HYDIN: variants seen among roughly 807,000 people sequenced by gnomAD.
HYDIN encodes the protein HYDIN axonemal central pair apparatus protein.
A neutral mutation model predicts 403.9 loss-of-function variants in HYDIN; 132 were observed. The ratio of observed to expected loss-of-function variants is 0.33; its 90% confidence interval spans 0.28 to 0.38. The LOEUF is 0.38. Among genes scored for constraint, HYDIN ranks in the 10% least tolerant of loss-of-function variants. The pLI is 1.00. For synonymous variants in HYDIN, 1,202 were observed against 1,891.7 expected (o/e 0.64, Z 9.46); for missense variants, 2,827 against 5,009.5 (o/e 0.56, Z 13.15).
At chr16:71,228,141 A>T (rs1029791553) in intron 1 of HYDIN, among the ~76,000 whole-genome samples, 1 of 152,044 alleles carries the variant, frequency 6.6e-6, no homozygotes, top group African/African-American at 2.4e-5. Flanking sequence ...CCTTCCTTAC[A>T]CCTTATACAA....
chr16:70,925,061 C>T (rs940666998), intron 45 of HYDIN, among the ~76,000 whole-genome samples: 7 of 152,138 alleles, frequency 4.6e-5, no homozygotes, highest in African/African-American at 1.7e-4. Context: ...TGATCTCAGT[C>T]CTGATTGAGT....
intron 1 of HYDIN, among the ~76,000 whole-genome samples, chr16:71,195,015 CACA>C (rs1157589651): frequency 2.0e-5 from 3 of 152,142 alleles, no homozygotes; most frequent in Admixed American, 2.0e-4. Context: ...CTGTCACTTG[CACA>C]ACATCTATTA....
At chr16:70,849,030 A>AG (rs1195024762) in intron 75 of HYDIN, among the ~76,000 whole-genome samples, 9 of 151,990 alleles carry the variant, frequency 5.9e-5, no homozygotes, top group African/African-American at 1.9e-4. Context: ...TATCCCTATG[A>AG]GGGGGGGTTC....
chr16:70,892,623 T>A, intron 55 of HYDIN, 94 bp from the exon 56 acceptor site: 2 of 1,443,052 alleles, frequency 1.4e-6, no homozygotes, highest in Non-Finnish European at 1.8e-6. Flanking sequence ...GCCTGCTGTG[T>A]TTCCAGCCCT....
intron 18 of HYDIN, among the ~76,000 whole-genome samples, chr16:71,050,692 A>C (rs2081606843): frequency 1.3e-5 from 2 of 152,024 alleles, no homozygotes; most frequent in East Asian, 1.9e-4. Context: ...TATGCATTTA[A>C]GTTTCCTCCA....
intron 45 of HYDIN, chr16:70,933,700 A>C (rs1390721439): frequency 6.5e-6 from 1 of 154,844 alleles, no homozygotes; most frequent in African/African-American, 2.4e-5. Flanking sequence ...AGGGAGTGTC[A>C]CATAGCAGGA....
intron 70 of HYDIN, 40 bp from the exon 71 acceptor site, chr16:70,860,246 A>G: frequency 6.3e-7 from 1 of 1,590,798 alleles, no homozygotes; most frequent in Non-Finnish European, 8.5e-7. Context: ...AGAGTGGGAC[A>G]GGGGATTGAG....
At chr16:71,215,104 T>C (rs986670421) in intron 1 of HYDIN, among the ~76,000 whole-genome samples, 13 of 152,188 alleles carry the variant, frequency 8.5e-5, no homozygotes, top group Admixed American at 8.5e-4. Flanking sequence ...TCAAATAACA[T>C]AGAGGCCAAC....
chr16:70,875,375 C>T (rs1391014515), intron 62 of HYDIN, among the ~76,000 whole-genome samples: 1 of 152,074 alleles, frequency 6.6e-6, no homozygotes, highest in African/African-American at 2.4e-5. Context: ...TGTTGAGCAT[C>T]CTACCACGAT....
At chr16:70,893,112 G>C (rs1467643136) in intron 55 of HYDIN, among the ~76,000 whole-genome samples, 1 of 152,176 alleles carries the variant, frequency 6.6e-6, no homozygotes, top group Non-Finnish European at 1.5e-5. Flanking sequence ...GAATGTCACC[G>C]CCATGCTCCA....
intron 18 of HYDIN, among the ~76,000 whole-genome samples, chr16:71,039,107 T>G (rs1456881391): frequency 6.6e-6 from 1 of 151,724 alleles, no homozygotes; most frequent in African/African-American, 2.4e-5. Flanking sequence ...ATCAGAAGTG[T>G]GGGCTTGAGA....
intron 11 of HYDIN, among the ~76,000 whole-genome samples, chr16:71,089,157 A>G (rs1191320818): frequency 6.6e-6 from 1 of 150,882 alleles, no homozygotes; most frequent in Non-Finnish European, 1.5e-5. Context: ...CCTATATTCT[A>G]GTGTTCTGGA....
At chr16:71,227,502 C>G (rs974196446) in intron 1 of HYDIN, among the ~76,000 whole-genome samples, 15 of 152,088 alleles carry the variant, frequency 9.9e-5, no homozygotes, top group African/African-American at 3.6e-4. Flanking sequence ...AAATCACAAG[C>G]ATTCTTATAC....
intron 1 of HYDIN, among the ~76,000 whole-genome samples, chr16:71,193,642 T>C (rs1036214442): frequency 2.6e-5 from 4 of 152,026 alleles, no homozygotes; most frequent in African/African-American, 9.7e-5. Flanking sequence ...TCTAAAAGAG[T>C]TCAAATTTAG....
intron 9 of HYDIN, among the ~76,000 whole-genome samples, chr16:71,129,303 CT>C (rs968264280): frequency 6.7e-6 from 1 of 149,634 alleles, no homozygotes; most frequent in African/African-American, 2.5e-5. Flanking sequence ...CACAAAATTT[CT>C]GTCTTAATAT....
chr16:71,205,622 T>C (rs954327539), intron 1 of HYDIN, among the ~76,000 whole-genome samples: 10 of 152,252 alleles, frequency 6.6e-5, no homozygotes, highest in Non-Finnish European at 1.3e-4. Flanking sequence ...CTGCCACTGC[T>C]TGCCAGCCAG....
intron 1 of HYDIN, among the ~76,000 whole-genome samples, chr16:71,206,754 C>A (rs1041969096): frequency 1.1e-4 from 16 of 152,188 alleles, no homozygotes; most frequent in African/African-American, 3.6e-4. Context: ...AGCTGAAAAA[C>A]ACATTACAAC....
chr16:71,043,917 C>T (rs2081367673), intron 18 of HYDIN, among the ~76,000 whole-genome samples: 1 of 140,918 alleles, frequency 7.1e-6, no homozygotes, highest in South Asian at 2.3e-4. Context: ...AGTGAGACCT[C>T]ATCTAAAAAA....
chr16:71,067,140 G>A (rs2082298584), intron 15 of HYDIN, 150 bp downstream of exon 15: 1 of 596,160 alleles, frequency 1.7e-6, no homozygotes. Context: ...TTGCTGCTTT[G>A]TCATTTGAAT....
Sources: allele counts gnomAD v4.1 joint callset (sites outside exome capture counted in the v4.1 genomes callset), GRCh38; gene constraint gnomAD v4.1.1; transcripts MANE v1.5; gene names NCBI Gene and HGNC (gene_info 2026-07-23, HGNC 2026-07-21).